The following TUSC3 variants were observed in gnomAD, a reference collection of about 807,000 sequenced individuals.
TUSC3 encodes tumor suppressor candidate 3, also known as dolichyl-diphosphooligosaccharide--protein glycosyltransferase subunit TUSC3.
In TUSC3, 45 loss-of-function variants were observed where a neutral mutation model predicts 44.8. The observed-to-expected ratio is 1.00, with a 90% CI of 0.79 to 1.29. The LOEUF is 1.29. Among genes scored for constraint, TUSC3 ranks in the 50% most tolerant of loss-of-function variants. The pLI, the probability that TUSC3 is intolerant of heterozygous loss-of-function variation, is 0.00. For missense variants in TUSC3, 519 were observed against 437.9 expected, an observed-to-expected ratio of 1.19 and a Z score of -1.65; for synonymous variants, 212 against 152.9, an observed-to-expected ratio of 1.39 and a Z score of -2.85.
At chr8:15,427,015 A>T (rs1304572293) in intron 1 of TUSC3, among the ~76,000 whole-genome samples, 1 of 151,602 alleles carries the variant, frequency 6.6e-6, no homozygotes, top group Non-Finnish European at 1.5e-5. Flanking sequence ...GTACGTCTAC[A>T]TTGAAGAAAT....
At chr8:15,674,515 T>A (rs1044924027) in intron 6 of TUSC3, among the ~76,000 whole-genome samples, 6 of 151,994 alleles carry the variant, frequency 3.9e-5, no homozygotes, top group African/African-American at 1.4e-4. Context: ...AAGATACGTA[T>A]TTTGAGAATA....
chr8:15,823,743 T>C, the TUSC3 span, among the ~76,000 whole-genome samples: 1 of 152,164 alleles, frequency 6.6e-6, no homozygotes, highest in African/African-American at 2.4e-5. Flanking sequence ...AATATCAGTG[T>C]TGAAATCATG....
intron 2 of TUSC3, among the ~76,000 whole-genome samples, chr8:15,512,133 A>G (rs1462353121): frequency 6.6e-6 from 1 of 152,228 alleles, no homozygotes; most frequent in Middle Eastern, 3.2e-3. Context: ...AGCTATAATA[A>G]TTGAAACTGT....
chr8:15,610,966 C>G (rs1416507850), intron 1 of TUSC3, among the ~76,000 whole-genome samples: 4 of 152,120 alleles, frequency 2.6e-5, no homozygotes, highest in African/African-American at 9.7e-5. Flanking sequence ...AAAAAGTTCA[C>G]TTAATTGAAT....
At chr8:15,430,824 A>C (rs1369789484) in intron 1 of TUSC3, among the ~76,000 whole-genome samples, 4 of 151,768 alleles carry the variant, frequency 2.6e-5, no homozygotes, top group Non-Finnish European at 5.9e-5. Context: ...AAGCATTCTT[A>C]TACACCAATA....
At chr8:15,532,736 C>G (rs1005717981) in intron 2 of TUSC3, among the ~76,000 whole-genome samples, 2 of 152,166 alleles carry the variant, frequency 1.3e-5, no homozygotes, top group African/African-American at 2.4e-5. Flanking sequence ...TGGGAGAAAA[C>G]TGATTCACGG....
the TUSC3 span, among the ~76,000 whole-genome samples, chr8:15,835,483 G>C: frequency 2.6e-5 from 4 of 151,406 alleles, no homozygotes; most frequent in African/African-American, 4.9e-5. Flanking sequence ...TTTTAATCTT[G>C]TTACTAACTT....
the TUSC3 span, among the ~76,000 whole-genome samples, chr8:15,814,145 A>G: frequency 1.3e-5 from 2 of 152,218 alleles, no homozygotes; most frequent in Non-Finnish European, 2.9e-5. Context: ...TAGCATCAGC[A>G]GGTTTCTCTT....
At chr8:15,825,137 G>C in the TUSC3 span, among the ~76,000 whole-genome samples, 2 of 152,118 alleles carry the variant, frequency 1.3e-5, no homozygotes, top group Non-Finnish European at 2.9e-5. Context: ...TCAGTGCCAA[G>C]GGTGGGAAGT....
intron 2 of TUSC3, among the ~76,000 whole-genome samples, chr8:15,499,127 T>A (rs934547049): frequency 1.3e-5 from 2 of 152,178 alleles, no homozygotes; most frequent in Non-Finnish European, 2.9e-5. Flanking sequence ...ATCATCCTGA[T>A]GCTTTAATTT....
chr8:15,779,236 T>G, the TUSC3 span, among the ~76,000 whole-genome samples: 143 of 152,158 alleles, frequency 9.4e-4, no homozygotes, highest in African/African-American at 3.3e-3. Context: ...AACCAGGACC[T>G]TGGATAGAAA....
chr8:15,659,074 A>G (rs1000895565), intron 3 of TUSC3, among the ~76,000 whole-genome samples: 1 of 152,166 alleles, frequency 6.6e-6, no homozygotes, highest in Non-Finnish European at 1.5e-5. Flanking sequence ...GTTGGAAATT[A>G]ATTCCATAAT....
chr8:15,752,916 G>A (rs1440559335), intron 9 of TUSC3, among the ~76,000 whole-genome samples: 5 of 151,914 alleles, frequency 3.3e-5, no homozygotes, highest in Non-Finnish European at 7.4e-5. Flanking sequence ...TTCAAGAGAT[G>A]ACGATTTTAC....
At chr8:15,436,457 T>G (rs1229167917) in intron 1 of TUSC3, among the ~76,000 whole-genome samples, 1 of 152,228 alleles carries the variant, frequency 6.6e-6, no homozygotes, top group Non-Finnish European at 1.5e-5. Flanking sequence ...TTTGCTGTTT[T>G]GTTTAGACTA....
rs57098923 is a variant in TUSC3, at chr8:15,429,046, T to A, written n.91+11741T>A. On this transcript the variant is annotated intron_variant and non_coding_transcript_variant, in intron 1 of 5. Coordinates refer to the TUSC3 transcript ENST00000503191. ...GTTGTAGACATGAAGTCCTTGCCCATGCCTATGTCCTGAATGGTAATGCCT... is the reference window on the plus strand; with the variant it reads ...GTTGTAGACATGAAGTCCTTGCCCAAGCCTATGTCCTGAATGGTAATGCCT... 9.2e-3 allele frequency among the ~76,000 whole-genome samples: 1,397 copies of A among 152,312 alleles called. 25 individuals carry two copies. The highest frequency in any genetic ancestry group is 0.032 in the African/African-American group (1,329 of 41,582).
At chr8:15,534,500 G>T (rs368628240) in intron 2 of TUSC3, among the ~76,000 whole-genome samples, 3 of 151,932 alleles carry the variant, frequency 2.0e-5, no homozygotes, top group East Asian at 3.9e-4. Flanking sequence ...AAAATTAGCC[G>T]GGCTTGGTGG....
At chr8:15,662,057 T>C (rs1807447854) in intron 4 of TUSC3, 99 bp from the exon 5 acceptor site, 1 of 1,368,038 alleles carries the variant, frequency 7.3e-7, no homozygotes, top group Non-Finnish European at 1.0e-6. Flanking sequence ...GTGGCATGTT[T>C]CTGAGTTCTT....
the TUSC3 span, among the ~76,000 whole-genome samples, chr8:15,822,679 A>C: frequency 6.6e-6 from 1 of 152,260 alleles, no homozygotes; most frequent in Non-Finnish European, 1.5e-5. Context: ...GGAACCAGCA[A>C]AGGGGACAGA....
intron 2 of TUSC3, among the ~76,000 whole-genome samples, chr8:15,496,035 A>C (rs1800876200): frequency 6.6e-6 from 1 of 151,892 alleles, no homozygotes; most frequent in Non-Finnish European, 1.5e-5. Context: ...GAATCCCATC[A>C]CCCTTATTTT....
Sources: allele counts gnomAD v4.1 joint callset (sites outside exome capture counted in the v4.1 genomes callset), GRCh38; gene constraint gnomAD v4.1.1; transcripts MANE v1.5; gene names NCBI Gene and HGNC (gene_info 2026-07-23, HGNC 2026-07-21).